Variants in PNPLA8 observed in about 807,000 individuals in gnomAD.
The protein encoded by PNPLA8 is patatin like domain 8, phospholipase A2, also known as calcium-independent phospholipase A2-gamma.
In PNPLA8, 39 loss-of-function variants were observed where a neutral mutation model predicts 76.9. The ratio of observed to expected loss-of-function variants is 0.51; its 90% confidence interval spans 0.39 to 0.66. The LOEUF (loss-of-function observed/expected upper bound fraction) is 0.66, where lower values mean the gene tolerates loss of function less well. PNPLA8 is among the 30% of genes least tolerant of loss of function. PNPLA8 has a pLI of 0.00. For synonymous variants in PNPLA8, 301 were observed against 307.9 expected (o/e 0.98, Z 0.24); for missense variants, 887 against 918.0 (o/e 0.97, Z 0.44).
intron 4 of PNPLA8, among the ~76,000 whole-genome samples, chr7:108,504,047 A>ACCAGGCTCTCAACTGAAAG (rs1211132468): frequency 6.6e-6 from 1 of 152,136 alleles, no homozygotes; most frequent in African/African-American, 2.4e-5. Context: ...AAGTGAACAC[A>ACCAGGCTCTCAACTGAAAG]CCCTGGAAGA....
chr7:108,502,093 A>C (rs1861991702), intron 5 of PNPLA8, among the ~76,000 whole-genome samples: 1 of 152,078 alleles, frequency 6.6e-6, no homozygotes, highest in South Asian at 2.1e-4. Context: ...GATTTTATTT[A>C]TATCAAATCT....
At chr7:108,508,823 CAG>C (rs1351079734) in intron 4 of PNPLA8, among the ~76,000 whole-genome samples, 1 of 149,772 alleles carries the variant, frequency 6.7e-6, no homozygotes, top group African/African-American at 2.5e-5. Flanking sequence ...GGTACCAAAA[CAG>C]AGATATAGAT....
At chr7:108,510,115 C>T (rs1435030639) in intron 4 of PNPLA8, 16 of 544,690 alleles carry the variant, frequency 2.9e-5, no homozygotes, top group Non-Finnish European at 3.1e-6. Flanking sequence ...CAGCATGGCA[C>T]ATGTATACAT....
intron 6 of PNPLA8, 34 bp downstream of exon 6, chr7:108,497,449 C>T: frequency 7.6e-7 from 1 of 1,315,534 alleles, no homozygotes; most frequent in East Asian, 2.3e-5. Context: ...TAATGTACTG[C>T]CAGAATGCAC....
At chr7:108,523,361 C>CTAATATGG (rs1563996541) in intron 1 of PNPLA8, among the ~76,000 whole-genome samples, 4 of 151,612 alleles carry the variant, frequency 2.6e-5, no homozygotes, top group African/African-American at 9.8e-5. Flanking sequence ...AGAGGGAAAG[C>CTAATATGG]TCCTTATCTG....
At chr7:108,512,354 C>T (rs1280487073) in intron 4 of PNPLA8, among the ~76,000 whole-genome samples, 1 of 152,056 alleles carries the variant, frequency 6.6e-6, no homozygotes, top group Non-Finnish European at 1.5e-5. Flanking sequence ...ATGCTTTGTG[C>T]TGCCTTCTTT....
chr7:108,526,619 C>G (rs553449843), upstream of PNPLA8, among the ~76,000 whole-genome samples: 40 of 152,320 alleles, frequency 2.6e-4, no homozygotes, highest in African/African-American at 8.9e-4. Context: ...GAGGGTGGTG[C>G]CCGGCGCGGC....
At chr7:108,473,588 C>A (rs1257628103) in intron 10 of PNPLA8, among the ~76,000 whole-genome samples, 1 of 152,176 alleles carries the variant, frequency 6.6e-6, no homozygotes, top group East Asian at 1.9e-4. Context: ...TTAAGTTTTG[C>A]ATTATAGAGG....
chr7:108,525,109 G>A (rs1465775679), intron 1 of PNPLA8, among the ~76,000 whole-genome samples: 1 of 152,142 alleles, frequency 6.6e-6, no homozygotes, highest in Admixed American at 6.5e-5. Context: ...TTAAGAAAAA[G>A]TTGATTATAA....
At chr7:108,511,439 T>C (rs989397373) in intron 4 of PNPLA8, among the ~76,000 whole-genome samples, 8 of 152,186 alleles carry the variant, frequency 5.3e-5, no homozygotes, top group African/African-American at 1.4e-4. Flanking sequence ...ACCTACAATG[T>C]GCTCTAACAA....
chr7:108,510,256 G>T, intron 4 of PNPLA8: 1 of 1,543,126 alleles, frequency 6.5e-7, no homozygotes, highest in African/African-American at 1.4e-5. Flanking sequence ...AAGAGAAGAA[G>T]AAGGTTCCTG....
chr7:108,493,671 G>GA (rs1321266996), intron 7 of PNPLA8, among the ~76,000 whole-genome samples: 3 of 147,724 alleles, frequency 2.0e-5, no homozygotes, highest in Non-Finnish European at 4.5e-5. Flanking sequence ...CAAAAGATGT[G>GA]AAAATAAGTA....
chr7:108,514,212 T>C lies in PNPLA8; in HGVS notation c.1138A>G (p.Ile380Val), dbSNP rs1252662888. Residue 380 changes from isoleucine (I) to valine (V), a missense_variant, in exon 4 of 11, where the codon ATT becomes GTT. By Grantham distance (29) the Ile-to-Val change is conservative. Coordinates refer to ENST00000257694, the MANE Select transcript of PNPLA8 (RefSeq NM_001256007.3). ...AAAGTCAGTTCTTCAACCCTAGTAA[T>C]GCAGAGCTTTGGGTCAGTTGTTCTT... Reference protein sequence around the residue: ...LRRTTDPKLCITRVEELTFHL... With the variant: ...LRRTTDPKLCVTRVEELTFHL... 1 of 1,608,758 alleles carries C rather than the reference T, an allele frequency of 6.2e-7. No homozygotes were observed. Among genetic ancestry groups the C allele is most frequent in the East Asian group, 2.2e-5 (1 of 44,858 alleles).
intron 9 of PNPLA8, among the ~76,000 whole-genome samples, chr7:108,486,219 T>G (rs377732548): frequency 2.6e-5 from 4 of 152,102 alleles, no homozygotes; most frequent in Non-Finnish European, 5.9e-5. Context: ...TCCCCAAATG[T>G]AATTATTTAG....
chr7:108,514,179 G>A lies in PNPLA8; in HGVS notation c.1171C>T (p.Leu391=), dbSNP rs1236923140. The A allele has an allele frequency of 2.5e-6, 4 of 1,607,528 alleles. No individual in the cohort carries two copies. Among genetic ancestry groups the A allele is most frequent in the East Asian group, 4.5e-5 (2 of 44,826 alleles). ...ACTCCTTTTCCTTCAGGAAATTCTA[G>A]AAGATGAAAAGTCAGTTCTTCAACC... ...TRVEELTFHL[L]EFPEGKGVAV... is the part of the protein sequence containing the mutation. Residue 391 remains leucine, a synonymous_variant, in exon 4 of 11, where the codon CTA becomes TTA. Transcript: ENST00000257694.
intron 9 of PNPLA8, among the ~76,000 whole-genome samples, chr7:108,482,810 A>C (rs1021497535): frequency 4.6e-5 from 7 of 152,166 alleles, no homozygotes; most frequent in African/African-American, 1.7e-4. Flanking sequence ...GTTTCCAATT[A>C]TTCTTTGCTT....
At chr7:108,497,758 TAATATCTA>T (rs1861648764) in intron 5 of PNPLA8, among the ~76,000 whole-genome samples, 181 bp from the exon 6 acceptor site, 2 of 150,336 alleles carry the variant, frequency 1.3e-5, no homozygotes, top group African/African-American at 4.8e-5. Flanking sequence ...TTTGAAAATC[TAATATCTA>T]AATGATAAAA....
chr7:108,502,481 C>T lies in PNPLA8; in HGVS notation c.1358+10G>A. 1 of 964,388 alleles carries T rather than the reference C, an allele frequency of 1.0e-6. No individual in the cohort carries two copies. The highest frequency in any genetic ancestry group is 1.6e-6 in the Non-Finnish European group (1 of 626,590). 59.7% of individuals were successfully genotyped at this position (964,388 alleles called of 1,614,324 possible). On this transcript the variant is annotated intron_variant, in intron 5 of 10. Transcript: ENST00000257694. ...AAAAAAAAAAAAAAGAATCATGTTC[C>T]TAGCCTTACCTTGTTCCTCCACCAT... is the stretch of plus-strand genomic sequence containing the variant.
chr7:108,519,565 T>C (rs955119216), intron 2 of PNPLA8, among the ~76,000 whole-genome samples: 2 of 152,062 alleles, frequency 1.3e-5, no homozygotes, highest in Admixed American at 6.5e-5. Context: ...TGAAGTAAAA[T>C]CCTTCCTTCT....
Sources: gnomAD v4.1 joint callset for allele counts (sites outside exome capture counted in the v4.1 genomes callset) on GRCh38, gnomAD v4.1.1 for gene constraint, MANE v1.5 for transcripts, NCBI Gene and HGNC (gene_info 2026-07-23, HGNC 2026-07-21) for gene names.